ERGIC1: variants seen among roughly 807,000 people sequenced by gnomAD.
ERGIC1 encodes endoplasmic reticulum-Golgi intermediate compartment protein 1.
Under a neutral mutation model 38.3 loss-of-function variants are expected in ERGIC1, and 19 were observed. That is an observed-to-expected ratio of 0.50 (90% CI 0.35 to 0.73). The LOEUF is 0.73. Among genes scored for constraint, ERGIC1 ranks in the 30% least tolerant of loss-of-function variants. The pLI is 0.01. For missense variants in ERGIC1, 294 were observed against 389.2 expected (o/e 0.76, Z 2.06); for synonymous variants, 124 against 157.6 (o/e 0.79, Z 1.60).
intron 9 of ERGIC1, among the ~76,000 whole-genome samples, chr5:172,948,866 T>TG (rs1249899970): frequency 6.6e-6 from 1 of 151,980 alleles, no homozygotes; most frequent in African/African-American, 2.4e-5. Context: ...CTGGGCAACA[T>TG]AGCGAGACCT....
In ERGIC1 at chr5:172,920,670, C is replaced by T. The variant is rs1022373009; in HGVS notation, c.376-3335C>T. On this transcript the variant is annotated intron_variant, in intron 5 of 9. Coordinates refer to ENST00000393784, the MANE Select transcript of ERGIC1 (RefSeq NM_001031711.3). ...GGGGGAGTGGGTTCCTGAGTCACAG[C>T]CTCGCACGGCCCGGCAGGGGTGGCA... 33 of 550,068 alleles carry T rather than the reference C, an allele frequency of 6.0e-5. 1 individual carries two copies. Among genetic ancestry groups the T allele is most frequent in the South Asian group, 3.9e-4 (19 of 48,506 alleles). The allele number at this position is 550,068 out of a possible 1,614,324, so 34.1% of individuals were successfully genotyped here.
intron 1 of ERGIC1, among the ~76,000 whole-genome samples, chr5:172,869,868 G>A (rs184410633): frequency 1.3e-5 from 2 of 152,302 alleles, no homozygotes; most frequent in South Asian, 2.1e-4. Context: ...AACCCAGAAA[G>A]TGTAGAGCAA....
chr5:172,931,450 G>A (rs1420827661), intron 7 of ERGIC1, among the ~76,000 whole-genome samples: 1 of 152,204 alleles, frequency 6.6e-6, no homozygotes, highest in East Asian at 1.9e-4. Context: ...GGGACACAGA[G>A]TTGAGTAAGG....
At chr5:172,841,835 A>G (rs1320549081) in intron 1 of ERGIC1, among the ~76,000 whole-genome samples, 2 of 152,028 alleles carry the variant, frequency 1.3e-5, no homozygotes, top group Non-Finnish European at 2.9e-5. Flanking sequence ...TTCATGATTT[A>G]TTTTCTTTGT....
At chr5:172,880,292 G>C (rs1156853745) in intron 1 of ERGIC1, among the ~76,000 whole-genome samples, 1 of 151,588 alleles carries the variant, frequency 6.6e-6, no homozygotes, top group Non-Finnish European at 1.5e-5. Flanking sequence ...CCGCTCTGGG[G>C]CTTGTTTTTA....
chr5:172,920,215 T>A (rs1213590563), intron 5 of ERGIC1: 1 of 671,048 alleles, frequency 1.5e-6, no homozygotes, highest in East Asian at 2.7e-5. Flanking sequence ...GCCCAGCCAC[T>A]TTCCCTTTGA....
chr5:172,900,546 A>G (rs1164243511), intron 3 of ERGIC1, among the ~76,000 whole-genome samples: 1 of 151,976 alleles, frequency 6.6e-6, no homozygotes, highest in Non-Finnish European at 1.5e-5. Context: ...TCTCTGCAAA[A>G]AAATTTTAAA....
At chr5:172,885,522 T>A (rs1762395977) in intron 1 of ERGIC1, among the ~76,000 whole-genome samples, 1 of 152,164 alleles carries the variant, frequency 6.6e-6, no homozygotes, top group Non-Finnish European at 1.5e-5. Flanking sequence ...GTTAGCCACC[T>A]GGGGTATCGA....
Position 172,868,496 on chromosome 5 carries a change from A to G in ERGIC1, c.21-20203A>G, listed in dbSNP as rs149335872. On this transcript the variant is annotated intron_variant, in intron 1 of 9. Transcript: ENST00000393784. ...TGATTTTCACTCTGTGACATTCTGG[A>G]AAAGGCAAAACTATGGAGACGGTAA... 3.6e-3 allele frequency among the ~76,000 whole-genome samples: 553 copies of G among 152,374 alleles called. 5 individuals carry two copies. Among genetic ancestry groups the G allele is most frequent in the African/African-American group, 0.013 (538 of 41,586 alleles).
chr5:172,836,859 G>A (rs987233639), intron 1 of ERGIC1, among the ~76,000 whole-genome samples: 14 of 152,240 alleles, frequency 9.2e-5, no homozygotes, highest in African/African-American at 3.4e-4. Context: ...TCACCTGAGA[G>A]AGGGAGTTTT....
At position 172,923,948 on chromosome 5, in the gene ERGIC1, A is replaced by G. The variant is rs369506310; in HGVS notation, c.376-57A>G. The G allele has an allele frequency of 9.2e-5, 139 of 1,502,840 alleles. 1 individual carries two copies. The African/African-American group carries it at 1.2e-3, about 13-fold the overall frequency. 93.1% of individuals were successfully genotyped at this position (1,502,840 alleles called of 1,614,324 possible). A position where few individuals can be genotyped will look rare whatever the true frequency, so the allele number is the denominator to read the frequency against. On this transcript the variant is annotated intron_variant, in intron 5 of 9. Coordinates refer to ENST00000393784, the MANE Select transcript of ERGIC1 (RefSeq NM_001031711.3). ...CTGGATCACACAGGGTGAGGCCCCA[A>G]TGTTCCGCCCCCTGGAGAAGTCAAC... is the stretch of plus-strand genomic sequence containing the variant.
At chr5:172,893,935 G>GTGTGTGTGTGTGTGTGTGTGTATATA (rs1429850022) in intron 2 of ERGIC1, among the ~76,000 whole-genome samples, 27 of 42,818 alleles carry the variant, frequency 6.3e-4, no homozygotes, top group South Asian at 8.7e-4. Flanking sequence ...GTGTGTGTGT[G>GTGTGTGTGTGTGTGTGTGTGTATATA]TATATATATA....
chr5:172,900,679 C>T (rs1258738178), intron 3 of ERGIC1, among the ~76,000 whole-genome samples: 1 of 150,346 alleles, frequency 6.7e-6, no homozygotes, highest in Non-Finnish European at 1.5e-5. Context: ...CACGGCACTC[C>T]AGCCTGGGAG....
chr5:172,923,996 C>T lies in ERGIC1; in HGVS notation c.376-9C>T, dbSNP rs774694436. On this transcript the variant is annotated splice_polypyrimidine_tract_variant and intron_variant, in intron 5 of 9. Coordinates refer to ENST00000393784, the MANE Select transcript of ERGIC1 (RefSeq NM_001031711.3). ...AACCAAACTCCTGAAACTCACATTT[C>T]TCCCCCAGGTCCCCGGCAACTTCCA... is the stretch of plus-strand genomic sequence containing the variant. 3.1e-6 allele frequency: 5 copies of T among 1,613,716 alleles called. No individual in the cohort carries two copies. In the African/African-American group the frequency reaches 4.0e-5, roughly 13 times the overall value.
At chr5:172,939,133 A>T (rs1280933719) in intron 9 of ERGIC1, among the ~76,000 whole-genome samples, 4 of 152,200 alleles carry the variant, frequency 2.6e-5, no homozygotes, top group Admixed American at 2.6e-4. Flanking sequence ...TATTCACTTA[A>T]CATTTGCTAG....
At chr5:172,905,152 T>A in intron 3 of ERGIC1, 1 of 199,944 alleles carries the variant, frequency 5.0e-6, no homozygotes, top group Non-Finnish European at 1.1e-5. Context: ...CCACAATCCC[T>A]CAGTGCTGTG....
intron 1 of ERGIC1, among the ~76,000 whole-genome samples, chr5:172,868,517 G>A (rs757289867): frequency 9.8e-5 from 15 of 152,322 alleles, no homozygotes; most frequent in Middle Eastern, 3.4e-3. Context: ...CTATGGAGAC[G>A]GTAAAAGATC....
intron 7 of ERGIC1, among the ~76,000 whole-genome samples, chr5:172,928,419 G>T (rs1216997649): frequency 3.3e-5 from 5 of 152,192 alleles, no homozygotes; most frequent in Non-Finnish European, 7.3e-5. Flanking sequence ...TGCTATGGGG[G>T]TTGTTTCTTG....
chr5:172,872,824 GA>G lies in ERGIC1; in HGVS notation c.21-15868del, dbSNP rs539600105. On this transcript the variant is annotated intron_variant, in intron 1 of 9. Transcript: ENST00000393784. ...GAGCAAAACTCTATCTCAAAAAAAA[GA>G]AAAAAAGAAAAAAGAAAAGAAAAAA... Among the ~76,000 whole-genome samples, 438 of 150,454 alleles carry G rather than the reference GA, an allele frequency of 2.9e-3. 1 individual carries two copies. The highest frequency in any genetic ancestry group is 9.9e-3 in the African/African-American group (405 of 40,880).
Sources: allele counts gnomAD v4.1 joint callset (sites outside exome capture counted in the v4.1 genomes callset), GRCh38; gene constraint gnomAD v4.1.1; transcripts MANE v1.5; gene names NCBI Gene and HGNC (gene_info 2026-07-23, HGNC 2026-07-21).